EGFR: variants seen among roughly 807,000 people sequenced by gnomAD.
EGFR encodes the protein avian erythroblastic leukemia viral (v-erb-b) oncogene homolog.
A neutral mutation model predicts 143.0 loss-of-function variants in EGFR; 58 were observed. That is an observed-to-expected ratio of 0.41 (90% confidence interval 0.33 to 0.50). EGFR has a LOEUF of 0.50. EGFR is among the 20% of genes least tolerant of loss of function. The probability of loss-of-function intolerance (pLI) is 0.39; values close to 1 mark genes in which losing one functional copy is unlikely to be tolerated. For synonymous variants in EGFR, 613 were observed against 594.4 expected (o/e 1.03, Z -0.45); for missense variants, 1,307 against 1,579.0 (o/e 0.83, Z 2.92).
intron 1 of EGFR, among the ~76,000 whole-genome samples, chr7:55,038,590 G>A (rs1021970051): frequency 6.6e-6 from 1 of 152,192 alleles, no homozygotes; most frequent in African/African-American, 2.4e-5. Context: ...CAAACTGGGA[G>A]TGACAAATGT....
intron 23 of EGFR, 124 bp from the exon 24 acceptor site, chr7:55,200,192 C>T (rs1787784264): frequency 1.0e-6 from 1 of 962,518 alleles, no homozygotes; most frequent in Middle Eastern, 2.1e-4. Flanking sequence ...ACCACAAAGA[C>T]TTGGTTCTTT....
At chr7:55,182,592 G>A (rs1317180698) in intron 20 of EGFR, 1 of 152,218 alleles carries the variant, frequency 6.6e-6, no homozygotes, top group Non-Finnish European at 1.5e-5. Context: ...CCTTCCCATG[G>A]CAGAGCTCCT....
chr7:55,198,336 G>C (rs1787706706), intron 22 of EGFR, among the ~76,000 whole-genome samples: 1 of 152,162 alleles, frequency 6.6e-6, no homozygotes, highest in Non-Finnish European at 1.5e-5. Flanking sequence ...TGCAGATACA[G>C]GTCCCTCAGA....
At chr7:55,100,490 T>G (rs1195533913) in intron 1 of EGFR, among the ~76,000 whole-genome samples, 1 of 152,138 alleles carries the variant, frequency 6.6e-6, no homozygotes, top group Non-Finnish European at 1.5e-5. Context: ...GAGGGAGAAA[T>G]GTCTGCAGGA....
chr7:55,139,135 C>T (rs1269681388), intron 1 of EGFR, among the ~76,000 whole-genome samples: 3 of 152,148 alleles, frequency 2.0e-5, no homozygotes, highest in African/African-American at 4.8e-5. Context: ...CTTTGGAAAA[C>T]ACATTCAAAC....
chr7:55,037,630 C>A (rs1787669209), intron 1 of EGFR, among the ~76,000 whole-genome samples: 1 of 152,124 alleles, frequency 6.6e-6, no homozygotes, highest in African/African-American at 2.4e-5. Context: ...TCACGGAAGA[C>A]CAAATTTGCC....
intron 1 of EGFR, among the ~76,000 whole-genome samples, chr7:55,023,371 C>T (rs528711044): frequency 9.1e-4 from 138 of 152,188 alleles, no homozygotes; most frequent in Admixed American, 1.4e-3. Context: ...GATTCTGGGC[C>T]GGGCATGGTG....
intron 4 of EGFR, among the ~76,000 whole-genome samples, chr7:55,148,859 C>CAAA (rs35004531): frequency 7.0e-6 from 1 of 143,610 alleles, no homozygotes. Context: ...TAGTCTTCAC[C>CAAA]AAAAAAAAAA....
intron 21 of EGFR, among the ~76,000 whole-genome samples, chr7:55,192,560 G>T (rs1787445703): frequency 6.6e-6 from 1 of 152,216 alleles, no homozygotes; most frequent in Admixed American, 6.5e-5. Context: ...CACAGAGGGT[G>T]CTCAGAAACC....
intron 3 of EGFR, among the ~76,000 whole-genome samples, chr7:55,146,084 G>T (rs1262873709): frequency 1.3e-5 from 2 of 152,106 alleles, no homozygotes; most frequent in African/African-American, 2.4e-5. Flanking sequence ...GAGTCTACCT[G>T]TCTCTGTCAT....
At chr7:55,028,694 C>T (rs1787078143) in intron 1 of EGFR, among the ~76,000 whole-genome samples, 1 of 152,062 alleles carries the variant, frequency 6.6e-6, no homozygotes, top group African/African-American at 2.4e-5. Context: ...TAAGTTTGTT[C>T]TAGTGCTAAC....
chr7:55,110,148 T>C (rs1254494300), intron 1 of EGFR, among the ~76,000 whole-genome samples: 1 of 152,020 alleles, frequency 6.6e-6, no homozygotes, highest in African/African-American at 2.4e-5. Context: ...ATTTAGAAAA[T>C]TTACCTTATT....
At position 55,201,307 on chromosome 7, in the gene EGFR, C is replaced by T; in HGVS notation, c.3066C>T (p.Gly1022=). 6.2e-7 allele frequency: 1 copy of T among 1,614,062 alleles called. No individual in the cohort carries two copies. The highest frequency in any genetic ancestry group is 8.5e-7 in the Non-Finnish European group (1 of 1,180,016). ...DADEYLIPQQ[G]FFSSPSTSRT... ...ACGAGTACCTCATCCCACAGCAGGGCTTCTTCAGCAGCCCCTCCACGTCAC... is the reference window on the plus strand; with the variant it reads ...ACGAGTACCTCATCCCACAGCAGGGTTTCTTCAGCAGCCCCTCCACGTCAC... Residue 1022 remains glycine, a synonymous_variant, in exon 25 of 28, where the codon GGC becomes GGT. Transcript: ENST00000275493.
In EGFR at chr7:55,143,019, C is replaced by A. The variant is rs556591837; in HGVS notation, c.241-286C>A. The stretch of plus-strand genomic sequence containing the variant: ...TAATTCTTTTTAATTTCCATTTTCA[C>A]TGGAGAGTGTTGAACCCCGTGAGGC... On this transcript the variant is annotated intron_variant, in intron 2 of 27. Coordinates refer to ENST00000275493, the MANE Select transcript of EGFR (RefSeq NM_005228.5). 1.2e-4 allele frequency among the ~76,000 whole-genome samples: 18 copies of A among 152,296 alleles called. No individual in the cohort carries two copies. In the South Asian group the frequency reaches 3.7e-3, roughly 32 times the overall value.
chr7:55,094,283 C>G (rs550250160), intron 1 of EGFR, among the ~76,000 whole-genome samples: 1 of 152,278 alleles, frequency 6.6e-6, no homozygotes, highest in South Asian at 2.1e-4. Context: ...CTGTCATCCA[C>G]GCAGCTGCCT....
chr7:55,183,361 A>G (rs1322899181), intron 20 of EGFR, among the ~76,000 whole-genome samples: 2 of 152,246 alleles, frequency 1.3e-5, no homozygotes, highest in Admixed American at 6.5e-5. Context: ...ATTGCACTCC[A>G]TAAATATATA....
At chr7:55,067,583 T>G (rs1046554394) in intron 1 of EGFR, among the ~76,000 whole-genome samples, 1 of 151,562 alleles carries the variant, frequency 6.6e-6, no homozygotes, top group Non-Finnish European at 1.5e-5. Flanking sequence ...TACGGTTCAG[T>G]AGTGTTAAGT....
chr7:55,206,365 T>G lies in EGFR; in HGVS notation c.*748T>G. On this transcript the variant is annotated 3_prime_UTR_variant, in exon 28 of 28. Transcript: ENST00000275493. ...GTTAGACTGACTTGTTTGTCTTCCA[T>G]TCCATTGTTTTGAAACTCAGTATGC... 2 of 233,448 alleles carry G rather than the reference T, an allele frequency of 8.6e-6. No individual in the cohort carries two copies. Among genetic ancestry groups the G allele is most frequent in the Non-Finnish European group, 8.5e-6 (1 of 118,182 alleles). The allele number at this position is 233,448 out of a possible 1,614,324, so 14.5% of individuals were successfully genotyped here.
rs2128927302 is a variant in EGFR, at chr7:55,143,367, G to A, written c.303G>A (p.Leu101=). The change falls in exon 3 of 28, where the codon TTG becomes TTA. Residue 101 remains leucine, a synonymous_variant. Coordinates refer to ENST00000275493, the MANE Select transcript of EGFR (RefSeq NM_005228.5). ...TCAACACAGTGGAGCGAATTCCTTT[G>A]GAAAACCTGCAGATCATCAGAGGAA... The part of the protein sequence containing the change: ...IALNTVERIP[L]ENLQIIRGNM... 1 of 1,614,130 alleles carries A rather than the reference G, an allele frequency of 6.2e-7. No individual in the cohort carries two copies. Among genetic ancestry groups the A allele is most frequent in the East Asian group, 2.2e-5 (1 of 44,880 alleles).
Sources: allele counts gnomAD v4.1 joint callset (sites outside exome capture counted in the v4.1 genomes callset), GRCh38; gene constraint gnomAD v4.1.1; transcripts MANE v1.5; gene names NCBI Gene and HGNC (gene_info 2026-07-23, HGNC 2026-07-21).